The following XKR6 variants were observed in gnomAD, a reference collection of about 807,000 sequenced individuals.
XKR6 encodes XK related 6.
Under a neutral mutation model 56.7 loss-of-function variants are expected in XKR6, and 22 were observed. That is an observed-to-expected ratio of 0.39 (90% CI 0.28 to 0.55). The LOEUF is 0.55. XKR6 is among the 20% of genes least tolerant of loss of function. The pLI, the probability that XKR6 is intolerant of heterozygous loss-of-function variation, is 0.66. For synonymous variants in XKR6, 524 were observed against 387.8 expected (o/e 1.35, Z -4.13); for missense variants, 852 against 889.0 (o/e 0.96, Z 0.53).
At chr8:11,066,272 G>A (rs1012962498) in intron 1 of XKR6, among the ~76,000 whole-genome samples, 3 of 152,182 alleles carry the variant, frequency 2.0e-5, no homozygotes, top group African/African-American at 4.8e-5. Flanking sequence ...CTGCCTGTTC[G>A]AAACAGACTA....
chr8:11,056,698 G>T (rs1368889425), intron 1 of XKR6, among the ~76,000 whole-genome samples: 1 of 152,226 alleles, frequency 6.6e-6, no homozygotes, highest in Non-Finnish European at 1.5e-5. Context: ...CATTGATTTA[G>T]GTGAAGTCTG....
At chr8:11,125,347 C>T (rs948794448) in intron 1 of XKR6, among the ~76,000 whole-genome samples, 3 of 152,058 alleles carry the variant, frequency 2.0e-5, no homozygotes, top group South Asian at 2.1e-4. Flanking sequence ...CAGGGCACAT[C>T]GAGGCCTGAA....
chr8:10,934,542 A>G (rs1801157342), intron 1 of XKR6, among the ~76,000 whole-genome samples: 1 of 130,502 alleles, frequency 7.7e-6, no homozygotes. Flanking sequence ...AGTTTGTCAT[A>G]GATAGCTCTT....
intron 1 of XKR6, among the ~76,000 whole-genome samples, chr8:11,103,111 T>C (rs1293277321): frequency 3.9e-5 from 6 of 152,336 alleles, no homozygotes; most frequent in African/African-American, 1.4e-4. Flanking sequence ...GATGGCAGTT[T>C]TTTTAATTTT....
Position 11,078,899 on chromosome 8 carries a change from C to T in XKR6, c.764+121677G>A, listed in dbSNP as rs535671425. Among the ~76,000 whole-genome samples, 6 of 152,344 alleles carry T rather than the reference C, an allele frequency of 3.9e-5. No homozygotes were observed. The East Asian group carries it at 7.7e-4, about 20-fold the overall frequency. On this transcript the variant is annotated intron_variant, in intron 1 of 2. Transcript: ENST00000416569. ...GGCCAGAGGCCTCATCCTCATGAGC[C>T]GTCAATTTCAGCCAACTTAGGCTGA...
chr8:11,137,573 C>G (rs1800468848), intron 1 of XKR6: 1 of 456,118 alleles, frequency 2.2e-6, no homozygotes, highest in African/African-American at 2.0e-5. Flanking sequence ...AAAAAGACAG[C>G]AGGGAGAAGT....
At chr8:11,012,518 A>G (rs1488624796) in intron 1 of XKR6, among the ~76,000 whole-genome samples, 4 of 152,060 alleles carry the variant, frequency 2.6e-5, no homozygotes, top group African/African-American at 9.7e-5. Context: ...CACCATCACC[A>G]TCGACAGCAG....
intron 1 of XKR6, among the ~76,000 whole-genome samples, chr8:11,014,625 A>G (rs1488620125): frequency 1.3e-5 from 2 of 152,108 alleles, no homozygotes; most frequent in Non-Finnish European, 2.9e-5. Flanking sequence ...AGGAAAGGCA[A>G]TTTGCTAACA....
At chr8:11,129,824 T>C (rs1347016162) in intron 1 of XKR6, among the ~76,000 whole-genome samples, 2 of 151,586 alleles carry the variant, frequency 1.3e-5, no homozygotes, top group African/African-American at 2.4e-5. Context: ...CATAATCCTT[T>C]CCATTTTCTG....
At chr8:11,131,035 C>T (rs1800078969) in intron 1 of XKR6, among the ~76,000 whole-genome samples, 1 of 152,138 alleles carries the variant, frequency 6.6e-6, no homozygotes, top group Non-Finnish European at 1.5e-5. Context: ...ACTGAGGACC[C>T]TGTTTTAGAG....
At chr8:11,050,869 C>T (rs1158927957) in intron 1 of XKR6, among the ~76,000 whole-genome samples, 3 of 152,190 alleles carry the variant, frequency 2.0e-5, no homozygotes, top group Non-Finnish European at 4.4e-5. Flanking sequence ...CCTCCCTGCA[C>T]CACCCACTCT....
chr8:11,097,693 G>C (rs1184610857), intron 1 of XKR6, among the ~76,000 whole-genome samples: 3 of 150,904 alleles, frequency 2.0e-5, no homozygotes, highest in Non-Finnish European at 4.4e-5. Flanking sequence ...TGTGGTCCCA[G>C]CTACTTGGGA....
At chr8:10,937,936 G>C (rs1259489609) in intron 1 of XKR6, among the ~76,000 whole-genome samples, 10 of 151,288 alleles carry the variant, frequency 6.6e-5, no homozygotes, top group Non-Finnish European at 1.5e-4. Flanking sequence ...CACCCAGTTC[G>C]AGCTTCCCGG....
chr8:11,180,360 G>A (rs557428681), intron 1 of XKR6, among the ~76,000 whole-genome samples: 1 of 152,116 alleles, frequency 6.6e-6, no homozygotes, highest in South Asian at 2.1e-4. Flanking sequence ...GGAATGTTTG[G>A]ACTAAAAAAT....
At chr8:11,023,129 A>G (rs769666273) in intron 1 of XKR6, among the ~76,000 whole-genome samples, 3 of 152,166 alleles carry the variant, frequency 2.0e-5, no homozygotes, top group Non-Finnish European at 4.4e-5. Context: ...TCAATCACTG[A>G]GTCAGCTGGC....
chr8:11,028,587 G>A (rs911608720), intron 1 of XKR6, among the ~76,000 whole-genome samples: 2 of 152,210 alleles, frequency 1.3e-5, no homozygotes, highest in African/African-American at 4.8e-5. Context: ...TGAGCTCATT[G>A]CCATGTTATT....
chr8:11,151,744 G>A (rs568406854), intron 1 of XKR6, among the ~76,000 whole-genome samples: 11 of 150,686 alleles, frequency 7.3e-5, no homozygotes, highest in Non-Finnish European at 1.3e-4. Context: ...ATCCATCCAC[G>A]TTCCCTTCTG....
intron 1 of XKR6, among the ~76,000 whole-genome samples, chr8:11,121,470 T>G (rs997845863): frequency 6.6e-6 from 1 of 152,098 alleles, no homozygotes; most frequent in African/African-American, 2.4e-5. Context: ...AAATGCAAAT[T>G]AAAACCACAA....
chr8:11,144,767 C>A (rs761018327), intron 1 of XKR6, among the ~76,000 whole-genome samples: 3 of 151,872 alleles, frequency 2.0e-5, no homozygotes, highest in Non-Finnish European at 2.9e-5. Flanking sequence ...ATTTTGACTC[C>A]GTAAGATAAT....
Sources: gnomAD v4.1 joint callset for allele counts (sites outside exome capture counted in the v4.1 genomes callset) on GRCh38, gnomAD v4.1.1 for gene constraint, MANE v1.5 for transcripts, NCBI Gene and HGNC (gene_info 2026-07-23, HGNC 2026-07-21) for gene names.